Variants in TAFA4 observed in about 807,000 individuals in gnomAD.
The protein encoded by TAFA4 is chemokine-like protein TAFA-4.
Under a neutral mutation model 21.1 loss-of-function variants are expected in TAFA4, and 20 were observed. That is an observed-to-expected ratio of 0.95 (90% CI 0.67 to 1.38). The LOEUF is 1.38. Ranked by LOEUF, TAFA4 falls within the 40% of genes most tolerant of loss-of-function variation. TAFA4 has a pLI of 0.00. For synonymous variants in TAFA4, 71 were observed against 67.4 expected (o/e 1.05, Z -0.26); for missense variants, 211 against 180.9 (o/e 1.17, Z -0.95).
rs148222113 is a variant in TAFA4 at position 68,844,316 on chromosome 3, T to C, written c.130+36414A>G. On this transcript the variant is annotated intron_variant, in intron 3 of 5. Transcript: ENST00000295569. ...TAGTTTATTTGCATAGAGGTGTTTA[T>C]AGTATTCTCTGATGGTAGTTTATAT... Among the ~76,000 whole-genome samples, 363 of 152,340 alleles carry C rather than the reference T, an allele frequency of 2.4e-3. 1 individual carries two copies. The highest frequency in any genetic ancestry group is 1.1e-3 in the Non-Finnish European group (76 of 68,032).
chr3:68,922,594 G>A (rs185116849), intron 1 of TAFA4, among the ~76,000 whole-genome samples: 2 of 152,270 alleles, frequency 1.3e-5, no homozygotes, highest in Non-Finnish European at 1.5e-5. Context: ...GTCTATTTAT[G>A]CTGTGGTTCA....
intron 3 of TAFA4, among the ~76,000 whole-genome samples, chr3:68,844,731 C>A (rs1284850460): frequency 6.6e-6 from 1 of 152,084 alleles, no homozygotes; most frequent in Admixed American, 6.6e-5. Context: ...TTGTTCCCAT[C>A]GGTTTCAAAG....
intron 1 of TAFA4, among the ~76,000 whole-genome samples, chr3:68,908,935 C>A (rs910704886): frequency 5.9e-5 from 9 of 152,344 alleles, no homozygotes; most frequent in Admixed American, 4.6e-4. Context: ...CCCCATCTGA[C>A]AGCGCTTCCC....
chr3:68,747,666 T>C (rs1485800399), intron 4 of TAFA4, among the ~76,000 whole-genome samples: 1 of 152,176 alleles, frequency 6.6e-6, no homozygotes, highest in Admixed American at 6.5e-5. Context: ...ACACAAATCC[T>C]GACTGATTGT....
At chr3:68,851,788 G>T (rs190085218) in intron 3 of TAFA4, among the ~76,000 whole-genome samples, 10 of 152,294 alleles carry the variant, frequency 6.6e-5, no homozygotes, top group African/African-American at 2.4e-4. Context: ...ACCAGAGGAG[G>T]AAACAAAATG....
chr3:68,896,651 T>A lies in TAFA4; in HGVS notation c.-122-11341A>T, dbSNP rs577397923. Among the ~76,000 whole-genome samples, 14 of 152,334 alleles carry A rather than the reference T, an allele frequency of 9.2e-5. No homozygotes were observed. In the South Asian group the frequency reaches 2.9e-3, roughly 32 times the overall value. ...AGTGGCAAAACACCTTATTGACTGC[T>A]TGTTCGCAGGCTAAGGTTGTGACGA... is the stretch of plus-strand genomic sequence containing the variant. On this transcript the variant is annotated intron_variant, in intron 1 of 5. Transcript: ENST00000295569.
At chr3:68,869,298 C>T (rs1017939790) in intron 3 of TAFA4, among the ~76,000 whole-genome samples, 26 of 151,896 alleles carry the variant, frequency 1.7e-4, no homozygotes, top group African/African-American at 6.3e-4. Flanking sequence ...CTACTTATAA[C>T]ACCAATTATA....
At chr3:68,783,763 A>C (rs528430656) in intron 3 of TAFA4, among the ~76,000 whole-genome samples, 1 of 151,594 alleles carries the variant, frequency 6.6e-6, no homozygotes, top group Non-Finnish European at 1.5e-5. Flanking sequence ...GAAAGAAACA[A>C]AAACAAAGAA....
intron 3 of TAFA4, among the ~76,000 whole-genome samples, chr3:68,854,488 G>T (rs761554793): frequency 6.6e-6 from 1 of 152,102 alleles, no homozygotes; most frequent in African/African-American, 2.4e-5. Context: ...TCAAAAGGCC[G>T]TGTGTTCACA....
intron 3 of TAFA4, among the ~76,000 whole-genome samples, chr3:68,753,438 C>A (rs754658695): frequency 1.4e-5 from 2 of 148,116 alleles, no homozygotes; most frequent in African/African-American, 5.0e-5. Flanking sequence ...TGGATTCAAG[C>A]GATTTTCCTG....
intron 3 of TAFA4, among the ~76,000 whole-genome samples, chr3:68,786,647 G>A (rs757772654): frequency 6.6e-6 from 1 of 152,126 alleles, no homozygotes; most frequent in African/African-American, 2.4e-5. Flanking sequence ...TTGTAAAATG[G>A]TAATAATTAT....
chr3:68,799,793 T>C (rs1474570568), intron 3 of TAFA4, among the ~76,000 whole-genome samples: 1 of 152,212 alleles, frequency 6.6e-6, no homozygotes, highest in Non-Finnish European at 1.5e-5. Context: ...TGCCTGTCTG[T>C]GGCTTGTTAG....
At chr3:68,895,435 G>A (rs2089778739) in intron 1 of TAFA4, among the ~76,000 whole-genome samples, 1 of 152,164 alleles carries the variant, frequency 6.6e-6, no homozygotes, top group South Asian at 2.1e-4. Flanking sequence ...GTGCCCAGCT[G>A]TTTTTGGTTT....
At chr3:68,741,528 C>G (rs1284166356) in intron 4 of TAFA4, among the ~76,000 whole-genome samples, 2 of 152,142 alleles carry the variant, frequency 1.3e-5, no homozygotes, top group Non-Finnish European at 2.9e-5. Context: ...GGTGCCGTGA[C>G]TCATGCCTGT....
chr3:68,841,978 G>A (rs927299916), intron 3 of TAFA4, among the ~76,000 whole-genome samples: 1 of 152,140 alleles, frequency 6.6e-6, no homozygotes, highest in South Asian at 2.1e-4. Flanking sequence ...CCAAGTCTTT[G>A]CTATTGTGAA....
intron 3 of TAFA4, among the ~76,000 whole-genome samples, chr3:68,869,040 A>G (rs1291722332): frequency 5.9e-5 from 9 of 152,016 alleles, no homozygotes. Context: ...AAAAGAACAC[A>G]TAACAACTGA....
chr3:68,906,031 G>C (rs75433339), intron 1 of TAFA4, among the ~76,000 whole-genome samples: 288 of 152,278 alleles, frequency 1.9e-3, no homozygotes, highest in African/African-American at 6.2e-3. Flanking sequence ...AAAAGCAAAA[G>C]TAAACAATAA....
intron 3 of TAFA4, among the ~76,000 whole-genome samples, chr3:68,780,723 A>G (rs1703138508): frequency 6.6e-6 from 1 of 152,220 alleles, no homozygotes; most frequent in Non-Finnish European, 1.5e-5. Flanking sequence ...TATCAGCAGC[A>G]TGAAAACAGA....
chr3:68,884,934 T>C (rs1309637252), intron 2 of TAFA4, among the ~76,000 whole-genome samples: 1 of 152,330 alleles, frequency 6.6e-6, no homozygotes, highest in African/African-American at 2.4e-5. Context: ...TCTTCAGCAA[T>C]AGATTTGTAT....
Sources: gnomAD v4.1 joint callset for allele counts (sites outside exome capture counted in the v4.1 genomes callset) on GRCh38, gnomAD v4.1.1 for gene constraint, MANE v1.5 for transcripts, NCBI Gene and HGNC (gene_info 2026-07-23, HGNC 2026-07-21) for gene names.